The following RASGEF1C variants were observed in gnomAD, a reference collection of about 807,000 sequenced individuals.
RASGEF1C encodes the protein RasGEF domain family member 1C.
A neutral mutation model predicts 58.1 loss-of-function variants in RASGEF1C; 27 were observed. The observed-to-expected ratio is 0.46, with a 90% confidence interval of 0.34 to 0.64. The LOEUF is 0.64. Ranked by LOEUF, RASGEF1C falls within the 30% of genes least tolerant of loss-of-function variation. RASGEF1C has a pLI of 0.01. For synonymous variants in RASGEF1C, 243 were observed against 246.3 expected (o/e 0.99, Z 0.13); for missense variants, 502 against 605.1 (o/e 0.83, Z 1.79).
At chr5:180,152,911 C>CAAAAAAA (rs755521241) in intron 1 of RASGEF1C, among the ~76,000 whole-genome samples, 1 of 71,700 alleles carries the variant, frequency 1.4e-5, no homozygotes. Flanking sequence ...AACCCCATCT[C>CAAAAAAA]AAAAAAAAAA....
In RASGEF1C at chr5:180,166,394, C is replaced by T. The variant is rs758879157; in HGVS notation, c.-6-28336G>A. Among the ~76,000 whole-genome samples the T allele has an allele frequency of 3.9e-4, 60 of 152,182 alleles. 1 individual carries two copies. Among genetic ancestry groups the T allele is most frequent in the Non-Finnish European group, 5.3e-4 (36 of 68,036 alleles). On this transcript the variant is annotated intron_variant, in intron 1 of 13. Coordinates refer to ENST00000361132, the MANE Select transcript of RASGEF1C (RefSeq NM_175062.4). ...TGTATGTGTCCTTCCAGTATCACTT[C>T]CCTTTGGCCAGAAGAACTTCTGTGA...
Position 180,125,639 on chromosome 5 carries a change from A to G in RASGEF1C, c.714+1970T>C, listed in dbSNP as rs148954247. Among the ~76,000 whole-genome samples the G allele has an allele frequency of 8.6e-3, 1,300 of 151,960 alleles. 19 individuals carry two copies. Among genetic ancestry groups the G allele is most frequent in the African/African-American group, 0.03 (1,238 of 41,414 alleles). ...CTCTACTAAAAATACAAAATTAGCC[A>G]GGCGTGGTGGCGCATGCCTGTAATC... is the stretch of plus-strand genomic sequence containing the variant. On this transcript the variant is annotated intron_variant, in intron 6 of 13. Coordinates refer to ENST00000361132, the MANE Select transcript of RASGEF1C (RefSeq NM_175062.4).
Position 180,177,693 on chromosome 5 carries a change from C to A in RASGEF1C, c.-7+31335G>T, listed in dbSNP as rs1346225015. ...GGATGGCATGTGATCCAGGCCCAGCCACTCAGTGCCTTTCATCTCCCTGGC... is the reference window on the plus strand; with the variant it reads ...GGATGGCATGTGATCCAGGCCCAGCAACTCAGTGCCTTTCATCTCCCTGGC... On this transcript the variant is annotated intron_variant, in intron 1 of 13. Transcript: ENST00000361132. This position sits in a 1 kb window ranked among gnomAD's most constrained non-coding sequence, Gnocchi z 5.0. Among the ~76,000 whole-genome samples the A allele has an allele frequency of 1.3e-5, 2 of 152,230 alleles. No individual in the cohort carries two copies. The highest frequency in any genetic ancestry group is 4.8e-5 in the African/African-American group (2 of 41,468).
rs1337308699 is a variant in RASGEF1C, at chr5:180,100,988, G to A, written c.*513C>T. The A allele has an allele frequency of 6.4e-6, 1 of 155,712 alleles. No homozygotes were observed. Among genetic ancestry groups the A allele is most frequent in the Non-Finnish European group, 1.4e-5 (1 of 69,958 alleles). The allele number at this position is 155,712 out of a possible 1,614,324, so 9.6% of individuals were successfully genotyped here. On this transcript the variant is annotated 3_prime_UTR_variant, in exon 14 of 14. Coordinates refer to ENST00000361132, the MANE Select transcript of RASGEF1C (RefSeq NM_175062.4). ...CTGGGGCTGCAGAGACAAGCTCGTC[G>A]GCAGGGCAGGGTGAGGGACCATGGG...
chr5:180,191,413 GT>G (rs1720695050), intron 1 of RASGEF1C, among the ~76,000 whole-genome samples: 1 of 151,900 alleles, frequency 6.6e-6, no homozygotes, highest in African/African-American at 2.4e-5. Flanking sequence ...CTGGAGTGCA[GT>G]GGCGCGATCT....
At chr5:180,129,259 C>T (rs949134105) in intron 4 of RASGEF1C, among the ~76,000 whole-genome samples, 1 of 152,194 alleles carries the variant, frequency 6.6e-6, no homozygotes, top group African/African-American at 2.4e-5. Flanking sequence ...TTAGAGGGGT[C>T]GTTCCTTCCA....
chr5:180,188,795 T>C (rs1257719261), intron 1 of RASGEF1C, among the ~76,000 whole-genome samples: 1 of 152,178 alleles, frequency 6.6e-6, no homozygotes, highest in Non-Finnish European at 1.5e-5. Flanking sequence ...CTGAGCATAG[T>C]ACCCAATAGT....
rs1169109246 is a variant in RASGEF1C, at chr5:180,137,261, G to C, written c.300+329C>G. 6.6e-6 allele frequency among the ~76,000 whole-genome samples: 1 copy of C among 152,198 alleles called. No homozygotes were observed. The highest frequency in any genetic ancestry group is 1.5e-5 in the Non-Finnish European group (1 of 68,022). The stretch of plus-strand genomic sequence containing the variant: ...CGCAGGACCCGGCCAGGACTGGGAA[G>C]GTGGAGCGGATGTGCTGGGGGAAGG... On this transcript the variant is annotated intron_variant, in intron 3 of 13. Transcript: ENST00000361132. This position sits in a 1 kb window ranked among gnomAD's most constrained non-coding sequence, Gnocchi z 4.1.
chr5:180,191,489 TG>T (rs1756162254), intron 1 of RASGEF1C, among the ~76,000 whole-genome samples: 1 of 152,168 alleles, frequency 6.6e-6, no homozygotes, highest in Non-Finnish European at 1.5e-5. Context: ...CCCAAGTAGC[TG>T]GGACTACAGG....
chr5:180,207,060 G>A (rs950347554), intron 1 of RASGEF1C, among the ~76,000 whole-genome samples: 4 of 152,048 alleles, frequency 2.6e-5, no homozygotes, highest in Admixed American at 2.0e-4. Context: ...AAGTCTAAAG[G>A]AAAAAAAGCT....
chr5:180,110,590 C>T (rs1765942850), intron 12 of RASGEF1C, among the ~76,000 whole-genome samples: 1 of 152,120 alleles, frequency 6.6e-6, no homozygotes, highest in Non-Finnish European at 1.5e-5. Context: ...CTTCTGCTTC[C>T]TGAAAGCAGA....
At chr5:180,182,832 C>G (rs151213382) in intron 1 of RASGEF1C, among the ~76,000 whole-genome samples, 89 of 152,322 alleles carry the variant, frequency 5.8e-4, no homozygotes, top group Middle Eastern at 3.4e-3. Flanking sequence ...CTCACTATCA[C>G]CTGGAGGGAG....
chr5:180,109,188 G>T (rs1041098282), intron 12 of RASGEF1C, among the ~76,000 whole-genome samples: 1 of 152,182 alleles, frequency 6.6e-6, no homozygotes, highest in African/African-American at 2.4e-5. Context: ...CAGGCGTGGT[G>T]GCTCACGCCT....
intron 1 of RASGEF1C, among the ~76,000 whole-genome samples, chr5:180,140,388 G>T (rs1223373365): frequency 6.6e-6 from 1 of 152,184 alleles, no homozygotes; most frequent in Non-Finnish European, 1.5e-5. Flanking sequence ...GTATGCATGG[G>T]GTGACTCCTG....
At chr5:180,152,281 C>T (rs1425672359) in intron 1 of RASGEF1C, among the ~76,000 whole-genome samples, 4 of 152,066 alleles carry the variant, frequency 2.6e-5, no homozygotes, top group African/African-American at 9.7e-5. Flanking sequence ...TATTGCGGCA[C>T]TATTCACAAT....
intron 1 of RASGEF1C, among the ~76,000 whole-genome samples, chr5:180,175,359 C>CA (rs1473691271): frequency 6.6e-6 from 1 of 152,200 alleles, no homozygotes; most frequent in Non-Finnish European, 1.5e-5. Context: ...GGCCTCGCCC[C>CA]AGCTCCTGAG....
chr5:180,127,749 C>T, intron 5 of RASGEF1C, 66 bp from the exon 6 acceptor site: 3 of 1,483,962 alleles, frequency 2.0e-6, no homozygotes, highest in South Asian at 1.2e-5. Flanking sequence ...CACTGGGGGG[C>T]CTGCCGTGGT....
chr5:180,163,952 A>G (rs7718088), intron 1 of RASGEF1C, among the ~76,000 whole-genome samples: 91,738 of 152,062 alleles, frequency 0.6, 28,522 homozygotes, highest in Non-Finnish European at 0.69. Flanking sequence ...CACCTAAGGT[A>G]AGTTTTGGAA....
intron 1 of RASGEF1C, among the ~76,000 whole-genome samples, chr5:180,189,290 G>A (rs944966133): frequency 1.3e-5 from 2 of 152,190 alleles, no homozygotes; most frequent in Non-Finnish European, 2.9e-5. Flanking sequence ...AATTAAACAC[G>A]TAAGTAAGTG....
Sources: gnomAD v4.1 joint callset for allele counts (sites outside exome capture counted in the v4.1 genomes callset) on GRCh38, gnomAD v4.1.1 for gene constraint, Gnocchi (gnomAD v3.1) non-coding constraint, MANE v1.5 for transcripts, NCBI Gene and HGNC (gene_info 2026-07-23, HGNC 2026-07-21) for gene names.